The following INTS13 variants were observed in gnomAD, a reference collection of about 807,000 sequenced individuals.
INTS13 encodes asunder, spermatogenesis regulator homolog (Drosphila).
Under a neutral mutation model 90.2 loss-of-function variants are expected in INTS13, and 35 were observed. The observed-to-expected ratio is 0.39, with a 90% CI of 0.30 to 0.51. The LOEUF is 0.51. Ranked by LOEUF, INTS13 falls within the 20% of genes least tolerant of loss-of-function variation. The pLI is 0.80. For missense variants in INTS13, 601 were observed against 851.2 expected, an observed-to-expected ratio of 0.71 and a Z score of 3.66; for synonymous variants, 309 against 277.1, an observed-to-expected ratio of 1.11 and a Z score of -1.14.
chr12:26,915,986 G>C lies in INTS13; in HGVS notation c.1248+16C>G, dbSNP rs1290236494. 1 of 1,556,942 alleles carries C rather than the reference G, an allele frequency of 6.4e-7. No individual in the cohort carries two copies. The highest frequency in any genetic ancestry group is 8.7e-7 in the Non-Finnish European group (1 of 1,148,704). On this transcript the variant is annotated intron_variant, in intron 11 of 16. Transcript: ENST00000261191. The stretch of plus-strand genomic sequence containing the variant: ...ACAGATTCAAAACTTAAAATTTATA[G>C]ATATTAGAGTCTTACTGTAATCCGG...
At position 26,913,500 on chromosome 12, in the gene INTS13, C is replaced by A; in HGVS notation, c.1762G>T (p.Val588Leu). ...GACTTTTCCTGTTCATAATCTTTCA[C>A]TGCTTTCTCTGACTTGTCCTCTTTG... ...EDKEDKSEKA[V>L]KDYEQEKSWQ... Residue 588 changes from valine to leucine, a missense_variant, in exon 14 of 17, where the codon GTG becomes TTG. This residue lies in a region of INTS13 where 228 missense variants were observed against 272.5 expected (regional missense o/e 0.84). Coordinates refer to ENST00000261191, the MANE Select transcript of INTS13 (RefSeq NM_018164.3). The A allele has an allele frequency of 6.2e-7, 1 of 1,614,144 alleles. No homozygotes were observed. The highest frequency in any genetic ancestry group is 8.5e-7 in the Non-Finnish European group (1 of 1,180,022).
intron 15 of INTS13, 87 bp from the exon 16 acceptor site, chr12:26,906,524 T>C: frequency 7.5e-7 from 1 of 1,337,934 alleles, no homozygotes; most frequent in Non-Finnish European, 1.0e-6. Context: ...TTACCTTTAA[T>C]TCTGTTGTTC....
At chr12:26,923,726 TAG>T (rs1206953118) in intron 7 of INTS13, among the ~76,000 whole-genome samples, 1 of 152,140 alleles carries the variant, frequency 6.6e-6, no homozygotes, top group Non-Finnish European at 1.5e-5. Context: ...GTCTTTCAGT[TAG>T]AGAGTAATAA....
intron 12 of INTS13, 65 bp from the exon 13 acceptor site, chr12:26,914,193 G>C: frequency 3.5e-6 from 5 of 1,409,266 alleles, no homozygotes; most frequent in Non-Finnish European, 4.8e-6. Flanking sequence ...AAACATCTAG[G>C]CAGAACTTGA....
At chr12:26,932,719 C>T (rs1565837498) in intron 3 of INTS13, among the ~76,000 whole-genome samples, 1 of 152,114 alleles carries the variant, frequency 6.6e-6, no homozygotes, top group Non-Finnish European at 1.5e-5. Context: ...TTACCCTCTC[C>T]CGTCTCCCAG....
intron 8 of INTS13, 27 bp downstream of exon 8, chr12:26,922,589 A>C: frequency 6.5e-7 from 1 of 1,535,092 alleles, no homozygotes; most frequent in Non-Finnish European, 8.9e-7. Flanking sequence ...TAGATCATAC[A>C]AAATAATACT....
chr12:26,932,779 C>T lies in INTS13; in HGVS notation c.300+1777G>A, dbSNP rs527294370. ...CAGATAAAAGAGTAGAAGAACAGTC[C>T]CAGAGAGACCATCTGTCAACTCCAA... On this transcript the variant is annotated intron_variant, in intron 3 of 16. Transcript: ENST00000261191. Among the ~76,000 whole-genome samples, 18 of 152,208 alleles carry T rather than the reference C, an allele frequency of 1.2e-4. No individual in the cohort carries two copies. The South Asian group carries it at 3.7e-3, about 32-fold the overall frequency.
chr12:26,924,272 C>T, intron 7 of INTS13, 83 bp downstream of exon 7: 1 of 1,468,396 alleles, frequency 6.8e-7, no homozygotes, highest in Non-Finnish European at 9.3e-7. Flanking sequence ...GGATTACAGG[C>T]ATGAGCTACC....
intron 2 of INTS13, 80 bp from the exon 3 acceptor site, chr12:26,934,710 T>C (rs989545276): frequency 2.0e-5 from 20 of 1,011,420 alleles, no homozygotes; most frequent in Non-Finnish European, 2.7e-5. Context: ...AATATGCAAT[T>C]TGTAACACTG....
rs1178821655 is a variant in INTS13 at position 26,928,884 on chromosome 12, C to T, written c.322G>A (p.Val108Ile). 1.2e-6 allele frequency: 2 copies of T among 1,614,010 alleles called. No individual in the cohort carries two copies. Among genetic ancestry groups the T allele is most frequent in the Non-Finnish European group, 1.7e-6 (2 of 1,180,028 alleles). ...LQELMAALAA[V>I]GPPNPRADPE... ...TCTGCCCGAGGATTAGGAGGCCCAA[C>T]AGCGGCTAATGCTGCCATTAGCTAA... Residue 108 changes from valine (V) to isoleucine (I), a missense_variant, in exon 4 of 17, where the codon GTT (valine) becomes ATT (isoleucine). Around this residue, in one of 3 missense-constraint regions of INTS13, gnomAD observed 284 missense variants for 387.7 expected, o/e 0.73. Transcript: ENST00000261191.
intron 5 of INTS13, among the ~76,000 whole-genome samples, chr12:26,927,235 T>C (rs1160537784): frequency 2.0e-5 from 3 of 152,234 alleles, no homozygotes; most frequent in Admixed American, 1.3e-4. Context: ...ACCTAACTTG[T>C]AGCCAAGTCA....
At chr12:26,919,073 GA>G in intron 8 of INTS13, 2 of 384,736 alleles carry the variant, frequency 5.2e-6, no homozygotes, top group Non-Finnish European at 5.4e-6. Flanking sequence ...GGCTGAGGTG[GA>G]AGGACTGCTT....
intron 15 of INTS13, 68 bp from the exon 16 acceptor site, chr12:26,906,505 TTTCCAAAC>T: frequency 1.3e-6 from 2 of 1,484,020 alleles, no homozygotes; most frequent in Non-Finnish European, 1.8e-6. Context: ...AATTTCCAAA[TTTCCAAAC>T]TTACCTTTAA....
intron 3 of INTS13, among the ~76,000 whole-genome samples, chr12:26,932,930 T>C (rs1379576574): frequency 1.3e-5 from 2 of 152,186 alleles, no homozygotes; most frequent in African/African-American, 2.4e-5. Context: ...TAAATAAGAC[T>C]GTCTAGCTAA....
Position 26,914,076 on chromosome 12 carries a change from A to C in INTS13, c.1472T>G (p.Val491Gly). The change falls in exon 13 of 17, where the codon GTG (valine) becomes GGG (glycine). Residue 491 changes from valine (V) to glycine (G), a missense_variant. By Grantham distance (109) the Val-to-Gly change is moderately radical. Transcript: ENST00000261191. ...IVKESLTEED[V>G]LNCQKTIYNL... ...GTATATTGTTTTTTGACAGTTTAAC[A>C]CATCTTCTTCTGTCAGAGATTCTTT... 2 of 1,610,050 alleles carry C rather than the reference A, an allele frequency of 1.2e-6. No homozygotes were observed. The highest frequency in any genetic ancestry group is 1.7e-6 in the Non-Finnish European group (2 of 1,178,760).
At chr12:26,922,732 C>T (rs1304046184) in intron 7 of INTS13, 32 bp from the exon 8 acceptor site, 1 of 1,405,174 alleles carries the variant, frequency 7.1e-7, no homozygotes, top group South Asian at 1.4e-5. Flanking sequence ...TTTTAAAAAA[C>T]TTGGTTTTGC....
intron 15 of INTS13, among the ~76,000 whole-genome samples, chr12:26,908,329 G>A (rs1332386515): frequency 1.3e-5 from 2 of 152,140 alleles, no homozygotes; most frequent in Middle Eastern, 3.4e-3. Context: ...TCACAGAACT[G>A]TACATCAAAA....
Position 26,924,598 on chromosome 12 carries a change from TG to T in INTS13, c.676-116del, listed in dbSNP as rs373215274. The T allele has an allele frequency of 1.9e-4, 229 of 1,187,220 alleles. 2 individuals carry two copies. In the East Asian group the frequency reaches 5.0e-3, roughly 26 times the overall value. The allele number at this position is 1,187,220 out of a possible 1,614,324, so 73.5% of individuals were successfully genotyped here. A position where few individuals can be genotyped will look rare whatever the true frequency, so the allele number is the denominator to read the frequency against. ...TAAGTATTTTTAACTTTTTAGAAGT[TG>T]GAAAAAAAGGATCCATAAATTAACC... is the stretch of plus-strand genomic sequence containing the variant. On this transcript the variant is annotated intron_variant, in intron 6 of 16. Coordinates refer to ENST00000261191, the MANE Select transcript of INTS13 (RefSeq NM_018164.3).
At position 26,934,611 on chromosome 12, in the gene INTS13, T is replaced by C. The variant is rs1172573466; in HGVS notation, c.245A>G (p.Asp82Gly). 3 of 1,613,200 alleles carry C rather than the reference T, an allele frequency of 1.9e-6. No individual in the cohort carries two copies. The change falls in exon 3 of 17, where the codon GAC (aspartate) becomes GGC (glycine). Residue 82 changes from aspartate (D) to glycine (G), a missense_variant. Asp to Gly is a moderately conservative substitution (Grantham distance 94). Coordinates refer to ENST00000261191, the MANE Select transcript of INTS13 (RefSeq NM_018164.3). ...FKKLVNFIVS[D>G]SGAHVLNSWT... ...AGAATTTAAAACATGTGCTCCAGAG[T>C]CACTCACAATAAAATTCACCTAATA...
Sources: gnomAD v4.1 joint callset for allele counts (sites outside exome capture counted in the v4.1 genomes callset) on GRCh38, gnomAD v4.1.1 for gene constraint, gnomAD v4.1.1 regional missense constraint, MANE v1.5 for transcripts, NCBI Gene and HGNC (gene_info 2026-07-23, HGNC 2026-07-21) for gene names.